Variants in LTBP1 observed in about 807,000 individuals in gnomAD.
LTBP1 encodes latent transforming growth factor beta binding protein 1.
In LTBP1, 129 loss-of-function variants were observed where a neutral mutation model predicts 207.6. That is an observed-to-expected ratio of 0.62 (90% confidence interval 0.54 to 0.72). LTBP1 has a LOEUF of 0.72. Among genes scored for constraint, LTBP1 ranks in the 30% least tolerant of loss-of-function variants. The pLI, the probability that LTBP1 is intolerant of heterozygous loss-of-function variation, is 0.00. For missense variants in LTBP1, 2,281 were observed against 2,217.2 expected (o/e 1.03, Z -0.58); for synonymous variants, 963 against 833.7 (o/e 1.16, Z -2.67).
chr2:33,000,820 G>A (rs1685976443), intron 2 of LTBP1, among the ~76,000 whole-genome samples: 2 of 134,682 alleles, frequency 1.5e-5, no homozygotes, highest in Middle Eastern at 4.0e-3. Flanking sequence ...GGCTACCAAG[G>A]GGGAGAGGTA....
chr2:33,226,418 C>G (rs2091440642), intron 9 of LTBP1, among the ~76,000 whole-genome samples: 1 of 152,180 alleles, frequency 6.6e-6, no homozygotes, highest in South Asian at 2.1e-4. Flanking sequence ...GGAAAGAATT[C>G]AAGGCTGAGC....
At chr2:33,105,331 CATTA>C (rs1170070728) in intron 3 of LTBP1, among the ~76,000 whole-genome samples, 3 of 152,000 alleles carry the variant, frequency 2.0e-5, no homozygotes, top group Non-Finnish European at 4.4e-5. Flanking sequence ...AAACAATGTA[CATTA>C]ATTGTTTAAA....
chr2:33,100,964 G>T lies in LTBP1; in HGVS notation c.864-9618G>T, dbSNP rs1315829273. On this transcript the variant is annotated intron_variant, in intron 3 of 33. Transcript: ENST00000404816. ...TTGTCCCAGGACATTTGGGTTGTAG[G>T]TTCTGCCTTTTTGCTGTTATGAATA... is the stretch of plus-strand genomic sequence containing the variant. Among the ~76,000 whole-genome samples the T allele has an allele frequency of 2.6e-5, 4 of 152,218 alleles. No homozygotes were observed. In the East Asian group the frequency reaches 7.7e-4, roughly 29 times the overall value.
At chr2:33,278,402 C>T (rs999336686) in intron 18 of LTBP1, among the ~76,000 whole-genome samples, 2 of 152,158 alleles carry the variant, frequency 1.3e-5, no homozygotes, top group Non-Finnish European at 2.9e-5. Flanking sequence ...CAAATTTCAT[C>T]ATGGACTAGA....
In LTBP1 at chr2:33,304,870, A is replaced by G. The variant is rs183436122; in HGVS notation, c.3481+3226A>G. Reference sequence around the variant, plus strand: ...GTGGGATAGTATTTCTTTCCAAATCAGAGTCATTCATACATTCACTTATGT... The same window carrying G: ...GTGGGATAGTATTTCTTTCCAAATCGGAGTCATTCATACATTCACTTATGT... On this transcript the variant is annotated intron_variant, in intron 22 of 33. Transcript: ENST00000404816. Among the ~76,000 whole-genome samples, 66 of 152,380 alleles carry G rather than the reference A, an allele frequency of 4.3e-4. 1 individual carries two copies. Among genetic ancestry groups the G allele is most frequent in the Admixed American group, 1.9e-3 (29 of 15,306 alleles).
intron 15 of LTBP1, among the ~76,000 whole-genome samples, chr2:33,272,341 G>C (rs974599171): frequency 4.6e-5 from 7 of 152,190 alleles, no homozygotes; most frequent in African/African-American, 1.4e-4. Context: ...TAACAAAGCT[G>C]TGCTCCTAGG....
intron 16 of LTBP1, 107 bp from the exon 17 acceptor site, chr2:33,274,858 A>G (rs2093394564): frequency 9.4e-7 from 1 of 1,058,678 alleles, no homozygotes; most frequent in African/African-American, 1.6e-5. Flanking sequence ...CCTCAGTTAT[A>G]AAGGTTGGGT....
intron 3 of LTBP1, among the ~76,000 whole-genome samples, chr2:33,023,042 G>A (rs1478899597): frequency 1.3e-5 from 2 of 152,062 alleles, no homozygotes; most frequent in African/African-American, 4.8e-5. Flanking sequence ...TTTTTTGTGT[G>A]TGCCAGAACA....
chr2:33,060,731 C>G (rs1467759937), intron 3 of LTBP1, among the ~76,000 whole-genome samples: 3 of 150,650 alleles, frequency 2.0e-5, no homozygotes, highest in Non-Finnish European at 3.0e-5. Flanking sequence ...GCAAAGTGAC[C>G]AGAGCATGAA....
chr2:33,206,837 G>T (rs536972974), intron 7 of LTBP1, among the ~76,000 whole-genome samples: 109 of 151,946 alleles, frequency 7.2e-4, no homozygotes, highest in African/African-American at 2.6e-3. Context: ...ATGGCTATAT[G>T]CACATCTTTA....
At chr2:33,045,510 C>T (rs941206386) in intron 3 of LTBP1, among the ~76,000 whole-genome samples, 4 of 152,190 alleles carry the variant, frequency 2.6e-5, no homozygotes, top group African/African-American at 7.2e-5. Flanking sequence ...GTTTTGGTTA[C>T]TGTAGCCTTG....
At chr2:33,087,799 G>A (rs766454534) in intron 3 of LTBP1, among the ~76,000 whole-genome samples, 1 of 152,038 alleles carries the variant, frequency 6.6e-6, no homozygotes, top group African/African-American at 2.4e-5. Flanking sequence ...TCGAGTTTTC[G>A]GAAATGGAAA....
At chr2:33,137,567 A>G (rs2082246837) in intron 5 of LTBP1, among the ~76,000 whole-genome samples, 1 of 152,248 alleles carries the variant, frequency 6.6e-6, no homozygotes, top group Non-Finnish European at 1.5e-5. Context: ...TGTTGGGCTG[A>G]ATTTGGCTTG....
intron 25 of LTBP1, among the ~76,000 whole-genome samples, chr2:33,346,932 C>T (rs74337903): frequency 0.053 from 8,112 of 151,912 alleles, 649 homozygotes; most frequent in African/African-American, 0.18. Flanking sequence ...CTGCCTAACA[C>T]GGTGGAACCC....
chr2:33,267,484 G>A (rs1436697073), intron 15 of LTBP1, among the ~76,000 whole-genome samples: 2 of 152,168 alleles, frequency 1.3e-5, no homozygotes, highest in Admixed American at 6.5e-5. Flanking sequence ...CTATTCTGAG[G>A]TCATGTATGT....
At chr2:33,258,755 T>G (rs774416864) in intron 12 of LTBP1, among the ~76,000 whole-genome samples, 6 of 152,168 alleles carry the variant, frequency 3.9e-5, no homozygotes, top group Non-Finnish European at 7.4e-5. Flanking sequence ...CAGCAATGAT[T>G]TTACTTTGTC....
chr2:33,315,076 C>T, intron 23 of LTBP1, 68 bp from the exon 24 acceptor site: 1 of 1,241,674 alleles, frequency 8.1e-7, no homozygotes. Context: ...TATTTGCCAT[C>T]TGTTTGATAG....
At chr2:33,286,065 C>T (rs2093659828) in intron 19 of LTBP1, among the ~76,000 whole-genome samples, 1 of 152,144 alleles carries the variant, frequency 6.6e-6, no homozygotes, top group Admixed American at 6.5e-5. Flanking sequence ...AATATGCCAC[C>T]TATTGGATAT....
At chr2:32,958,489 G>C in intron 2 of LTBP1, among the ~76,000 whole-genome samples, 1 of 152,070 alleles carries the variant, frequency 6.6e-6, no homozygotes, top group Non-Finnish European at 1.5e-5. Context: ...CTCTTAGTTG[G>C]CTCTGGGTAT....
Sources: allele counts gnomAD v4.1 joint callset (sites outside exome capture counted in the v4.1 genomes callset), GRCh38; gene constraint gnomAD v4.1.1; transcripts MANE v1.5; gene names NCBI Gene and HGNC (gene_info 2026-07-23, HGNC 2026-07-21).